The following CALHM4 variants were observed in gnomAD, a reference collection of about 807,000 sequenced individuals.
CALHM4 encodes the protein calcium homeostasis modulator family member 4.
In CALHM4, 16 loss-of-function variants were observed where a neutral mutation model predicts 13.3. The ratio of observed to expected loss-of-function variants is 1.20; its 90% confidence interval spans 0.81 to 1.82. The LOEUF (loss-of-function observed/expected upper bound fraction) is 1.82. Ranked by LOEUF, CALHM4 falls within the 40% of genes most tolerant of loss-of-function variation. The pLI, the probability that CALHM4 is intolerant of heterozygous loss-of-function variation, is 0.00. For synonymous variants in CALHM4, 127 were observed against 137.1 expected (o/e 0.93, Z 0.52); for missense variants, 344 against 374.9 (o/e 0.92, Z 0.68).
rs1256329610 is a variant in CALHM4 at position 116,561,105 on chromosome 6, T to C, written c.*2894T>C. ...TAGAAATTCTAATGCATGATTGTAA[T>C]AAACAACAGTGAGATTTTGCTAGTT... On this transcript the variant is annotated 3_prime_UTR_variant, in exon 2 of 2. Coordinates refer to ENST00000368596, the MANE Select transcript of CALHM4 (RefSeq NM_001366078.2). Among the ~76,000 whole-genome samples the C allele has an allele frequency of 6.6e-6, 1 of 152,250 alleles. No individual in the cohort carries two copies. The highest frequency in any genetic ancestry group is 1.5e-5 in the Non-Finnish European group (1 of 68,040).
chr6:116,534,946 T>C (rs1187611303), intron 1 of CALHM4, among the ~76,000 whole-genome samples: 1 of 152,160 alleles, frequency 6.6e-6, no homozygotes, highest in Non-Finnish European at 1.5e-5. Context: ...TAATGTGATA[T>C]TTACACTGAA....
At chr6:116,546,023 C>T (rs758720746) in intron 2 of CALHM4, among the ~76,000 whole-genome samples, 2 of 152,198 alleles carry the variant, frequency 1.3e-5, no homozygotes, top group Non-Finnish European at 2.9e-5. Flanking sequence ...TGAGTTAAAA[C>T]GTGATCCCTC....
rs1160852691 is a variant in CALHM4 at position 116,560,669 on chromosome 6, G to T, written c.*2458G>T. ...GTATTTTGGGGGGGGGGGGGGCTATGGTCTATAGCATTTTTTTGCTCCACA... is the reference window on the plus strand; with the variant it reads ...GTATTTTGGGGGGGGGGGGGGCTATTGTCTATAGCATTTTTTTGCTCCACA... On this transcript the variant is annotated 3_prime_UTR_variant, in exon 2 of 2. Coordinates refer to ENST00000368596, the MANE Select transcript of CALHM4 (RefSeq NM_001366078.2). 1.4e-5 allele frequency among the ~76,000 whole-genome samples: 2 copies of T among 147,162 alleles called. No individual in the cohort carries two copies. The highest frequency in any genetic ancestry group is 2.5e-5 in the African/African-American group (1 of 39,378).
At chr6:116,532,704 C>G (rs1203525255) in intron 1 of CALHM4, among the ~76,000 whole-genome samples, 1 of 152,162 alleles carries the variant, frequency 6.6e-6, no homozygotes, top group Admixed American at 6.5e-5. Context: ...ACAAAATAAG[C>G]TGGTCAACAG....
chr6:116,532,609 A>T (rs1372591256), intron 1 of CALHM4, among the ~76,000 whole-genome samples: 2 of 152,256 alleles, frequency 1.3e-5, no homozygotes, highest in Non-Finnish European at 2.9e-5. Flanking sequence ...AAAATTTACT[A>T]GTATTATCAT....
At position 116,557,990 on chromosome 6, in the gene CALHM4, C is replaced by A; in HGVS notation, c.724C>A (p.Leu242Ile). Residue 242 changes from leucine to isoleucine, a missense_variant, in exon 2 of 2, where the codon CTC (leucine) becomes ATC (isoleucine). Transcript: ENST00000368596. ...FEQAAEQHSR[L>I]LMMHRIKKLF... The stretch of plus-strand genomic sequence containing the variant: ...ACAAGCAGCAGAGCAGCACTCTCGG[C>A]TCCTCATGATGCATCGCATAAAGAA... 2 of 1,614,160 alleles carry A rather than the reference C, an allele frequency of 1.2e-6. No individual in the cohort carries two copies. Among genetic ancestry groups the A allele is most frequent in the Non-Finnish European group, 1.7e-6 (2 of 1,180,024 alleles).
At chr6:116,541,613 T>A (rs1773468230) in intron 1 of CALHM4, among the ~76,000 whole-genome samples, 1 of 152,210 alleles carries the variant, frequency 6.6e-6, no homozygotes, top group South Asian at 2.1e-4. Context: ...CAGTTTAGCT[T>A]CCTTGACTTT....
intron 1 of CALHM4, among the ~76,000 whole-genome samples, chr6:116,533,431 G>A (rs1415356828): frequency 6.6e-6 from 1 of 152,204 alleles, no homozygotes; most frequent in Admixed American, 6.5e-5. Flanking sequence ...ACTCTAGCAA[G>A]AAAAACACGT....
rs773198124 is a variant in CALHM4, at chr6:116,540,501, GA to G, written c.-108-3261del. 1.2e-4 allele frequency: 190 copies of G among 1,531,510 alleles called. 1 individual carries two copies. In the Admixed American group the frequency reaches 1.5e-3, roughly 12 times the overall value. The allele number at this position is 1,531,510 out of a possible 1,614,324, so 94.9% of individuals were successfully genotyped here. On this transcript the variant is annotated intron_variant, in intron 1 of 2. Transcript: ENST00000368597. ...AAAGAGTGTGGTCTGAAAATTCTAA[GA>G]AATTAGTGAAGTCTGTCAGTTTTTA...
chr6:116,557,171 C>CA (rs1171356427), intron 1 of CALHM4, among the ~76,000 whole-genome samples: 5 of 152,046 alleles, frequency 3.3e-5, no homozygotes, highest in Non-Finnish European at 4.4e-5. Flanking sequence ...CTCCTGGCCT[C>CA]AAGTGATCCG....
chr6:116,529,518 G>A (rs1014634002), intron 1 of CALHM4, among the ~76,000 whole-genome samples: 1 of 152,194 alleles, frequency 6.6e-6, no homozygotes, highest in East Asian at 1.9e-4. Flanking sequence ...GCACTGTGCT[G>A]CTCGAGGTAA....
upstream of CALHM4, among the ~76,000 whole-genome samples, chr6:116,552,140 CTT>C (rs1774107239): frequency 6.6e-6 from 1 of 151,968 alleles, no homozygotes; most frequent in Admixed American, 6.6e-5. Context: ...CTTGATGTGT[CTT>C]TATTTTGCTC....
chr6:116,545,590 T>A, intron 2 of CALHM4: 1 of 1,368,316 alleles, frequency 7.3e-7, no homozygotes, highest in Non-Finnish European at 1.0e-6. Flanking sequence ...TCAGTCCATG[T>A]CTTTTTGTTT....
rs1430318138 is a variant in CALHM4, at chr6:116,559,489, G to A, written c.*1278G>A. 6.6e-6 allele frequency among the ~76,000 whole-genome samples: 1 copy of A among 152,126 alleles called. No homozygotes were observed. The highest frequency in any genetic ancestry group is 1.5e-5 in the Non-Finnish European group (1 of 68,026). The stretch of plus-strand genomic sequence containing the variant: ...AAGTTCTGGGTCCTTGAACTTAATA[G>A]GAAGAAGCAGAAAATGAATTTTTAA... On this transcript the variant is annotated 3_prime_UTR_variant, in exon 2 of 2. Transcript: ENST00000368596.
At chr6:116,535,016 CAA>C (rs887964022) in intron 1 of CALHM4, among the ~76,000 whole-genome samples, 16 of 152,116 alleles carry the variant, frequency 1.1e-4, no homozygotes, top group Non-Finnish European at 4.4e-5. Context: ...GACCTGAGAG[CAA>C]AAAGCTTCTC....
At chr6:116,535,968 G>C (rs1007259376) in intron 1 of CALHM4, among the ~76,000 whole-genome samples, 2 of 151,978 alleles carry the variant, frequency 1.3e-5, no homozygotes, top group Non-Finnish European at 2.9e-5. Context: ...TATTTCACAA[G>C]GTTCTTATAA....
intron 1 of CALHM4, among the ~76,000 whole-genome samples, chr6:116,555,293 G>T (rs1251321258): frequency 6.6e-6 from 1 of 152,062 alleles, no homozygotes; most frequent in East Asian, 1.9e-4. Flanking sequence ...GTAAAAATAT[G>T]TGAAAATTCA....
rs1239764748 is a variant in CALHM4 at position 116,560,847 on chromosome 6, A to G, written c.*2636A>G. 6.6e-6 allele frequency among the ~76,000 whole-genome samples: 1 copy of G among 152,162 alleles called. No homozygotes were observed. Among genetic ancestry groups the G allele is most frequent in the African/African-American group, 2.4e-5 (1 of 41,430 alleles). On this transcript the variant is annotated 3_prime_UTR_variant, in exon 2 of 2. Transcript: ENST00000368596. ...CCAAATGCTTTTGGCTACCACATCA[A>G]ACCCTGGAGCTTGACATATATAAAC...
rs1035517779 is a variant in CALHM4, at chr6:116,534,456, A to C, written c.-109+5266A>C. Among the ~76,000 whole-genome samples the C allele has an allele frequency of 2.7e-5, 4 of 147,488 alleles. No individual in the cohort carries two copies. The South Asian group carries it at 8.8e-4, about 32-fold the overall frequency. On this transcript the variant is annotated intron_variant, in intron 1 of 2. Transcript: ENST00000368597. ...TCTTGTGCATTCAGATCAGAAGCAG[A>C]AGAAAAAAAAATATGACTAGTATGA...
Sources: allele counts gnomAD v4.1 joint callset (sites outside exome capture counted in the v4.1 genomes callset), GRCh38; gene constraint gnomAD v4.1.1; transcripts MANE v1.5; gene names NCBI Gene and HGNC (gene_info 2026-07-23, HGNC 2026-07-21).